IL34: variants seen among roughly 807,000 people sequenced by gnomAD.
The protein encoded by IL34 is interleukin-34.
In IL34, 17 loss-of-function variants were observed where a neutral mutation model predicts 25.3. That is an observed-to-expected ratio of 0.67 (90% CI 0.46 to 1.01). IL34 has a LOEUF of 1.01. Among genes scored for constraint, IL34 ranks in the 50% least tolerant of loss-of-function variants. The pLI, the probability that IL34 is intolerant of heterozygous loss-of-function variation, is 0.00. For missense variants in IL34, 368 were observed against 312.9 expected, an observed-to-expected ratio of 1.18 and a Z score of -1.33; for synonymous variants, 174 against 140.9, an observed-to-expected ratio of 1.23 and a Z score of -1.66.
intron 2 of IL34, among the ~76,000 whole-genome samples, chr16:70,655,329 G>A (rs1410853672): frequency 6.6e-6 from 1 of 152,116 alleles, no homozygotes; most frequent in Non-Finnish European, 1.5e-5. Flanking sequence ...GGGATTACAG[G>A]CGTGAGCCAC....
chr16:70,611,641 A>G lies in IL34; in HGVS notation c.-401+31592A>G, dbSNP rs576636544. ...CCCATATCTACACAAAATTTAAAAA[A>G]GTTACCAGCCTGACCAACATGGTGA... On this transcript the variant is annotated intron_variant, in intron 1 of 6. Transcript: ENST00000429149. 2.6e-5 allele frequency among the ~76,000 whole-genome samples: 4 copies of G among 152,050 alleles called. No individual in the cohort carries two copies. In the East Asian group the frequency reaches 7.7e-4, roughly 29 times the overall value.
chr16:70,603,997 A>C (rs1419754149), intron 1 of IL34, among the ~76,000 whole-genome samples: 2 of 152,206 alleles, frequency 1.3e-5, no homozygotes, highest in Non-Finnish European at 2.9e-5. Flanking sequence ...GCCTGCATTA[A>C]TTGCTTTAAT....
chr16:70,650,488 C>G (rs2052052171), intron 1 of IL34, among the ~76,000 whole-genome samples: 1 of 152,028 alleles, frequency 6.6e-6, no homozygotes, highest in Admixed American at 6.6e-5. Flanking sequence ...CCCAGGGCCC[C>G]AGAACGGGAC....
Position 70,580,980 on chromosome 16 carries a change from C to G in IL34, c.-401+931C>G, listed in dbSNP as rs1305150274. Among the ~76,000 whole-genome samples the G allele has an allele frequency of 1.3e-4, 19 of 150,998 alleles. 1 individual carries two copies. The highest frequency in any genetic ancestry group is 4.6e-4 in the African/African-American group (19 of 41,038). The stretch of plus-strand genomic sequence containing the variant: ...AGGCTGGAGTGCAGTGGCGTCATCT[C>G]AGGTCACTGCATCCTCTGCCTCCTG... On this transcript the variant is annotated intron_variant, in intron 1 of 6. Transcript: ENST00000429149.
intron 1 of IL34, among the ~76,000 whole-genome samples, chr16:70,585,732 A>G (rs1425830100): frequency 1.3e-5 from 2 of 149,876 alleles, no homozygotes; most frequent in Non-Finnish European, 3.0e-5. Context: ...GGGTCTCCCT[A>G]TGTTGCACAG....
chr16:70,607,390 C>G (rs562294719), intron 1 of IL34, among the ~76,000 whole-genome samples: 13 of 152,296 alleles, frequency 8.5e-5, no homozygotes, highest in African/African-American at 3.1e-4. Flanking sequence ...AGGCATTGAG[C>G]CACTGCACCC....
At position 70,582,135 on chromosome 16, in the gene IL34, C is replaced by T. The variant is rs189267697; in HGVS notation, c.-401+2086C>T. Among the ~76,000 whole-genome samples, 28 of 152,332 alleles carry T rather than the reference C, an allele frequency of 1.8e-4. 1 individual carries two copies. Among genetic ancestry groups the T allele is most frequent in the South Asian group, 8.3e-4 (4 of 4,822 alleles). On this transcript the variant is annotated intron_variant, in intron 1 of 6. Coordinates refer to the IL34 transcript ENST00000429149. ...AGAGCCTATTCTTACCCAGCTTCAT[C>T]GTAACTAGAGTGAAAGGCTTCATTG...
Position 70,660,548 on chromosome 16 carries a change from G to A in IL34, c.*361G>A, listed in dbSNP as rs1477623910. 9 of 211,360 alleles carry A rather than the reference G, an allele frequency of 4.3e-5. No individual in the cohort carries two copies. Among genetic ancestry groups the A allele is most frequent in the African/African-American group, 6.9e-5 (3 of 43,612 alleles). 13.1% of individuals were successfully genotyped at this position (211,360 alleles called of 1,614,324 possible). On this transcript the variant is annotated 3_prime_UTR_variant, in exon 6 of 6. Transcript: ENST00000288098. ...GGGTTGCAGGGGAGACAGCCAGCAC[G>A]GCGTGGCCATTCTATGACCCCCCAG...
chr16:70,630,684 C>G (rs1401643358), intron 1 of IL34, among the ~76,000 whole-genome samples: 2 of 151,694 alleles, frequency 1.3e-5, no homozygotes, highest in East Asian at 3.9e-4. Flanking sequence ...ATTGATCCTC[C>G]TACCTCAGCT....
At chr16:70,634,454 C>T (rs1333327857) in intron 1 of IL34, among the ~76,000 whole-genome samples, 1 of 151,968 alleles carries the variant, frequency 6.6e-6, no homozygotes, top group Non-Finnish European at 1.5e-5. Flanking sequence ...CCAAGGCAGG[C>T]TGATCACCTG....
chr16:70,625,693 C>T (rs34764103), intron 1 of IL34, among the ~76,000 whole-genome samples: 16,547 of 152,030 alleles, frequency 0.11, 966 homozygotes, highest in South Asian at 0.17. Context: ...CCGTGACAGG[C>T]GCTGGAGTTT....
intron 4 of IL34, 32 bp from the exon 5 acceptor site, chr16:70,659,586 G>A (rs765373861): frequency 7.6e-6 from 12 of 1,578,322 alleles, no homozygotes; most frequent in South Asian, 3.4e-5. Flanking sequence ...GCCCCATCTC[G>A]CCACCGCTCC....
chr16:70,631,270 A>G (rs907219936), intron 1 of IL34, among the ~76,000 whole-genome samples: 1 of 152,178 alleles, frequency 6.6e-6, no homozygotes, highest in African/African-American at 2.4e-5. Flanking sequence ...GTCTGTGGAC[A>G]TGGACAGGGC....
In IL34 at chr16:70,596,055, A is replaced by G. The variant is rs2050818927; in HGVS notation, c.-401+16006A>G. On this transcript the variant is annotated intron_variant, in intron 1 of 6. Transcript: ENST00000429149. ...GTTGTATAGACTGGGAGGCTTGTAA[A>G]CAACAGAAGTGTATTGTTCTAGAGC... is the stretch of plus-strand genomic sequence containing the variant. Among the ~76,000 whole-genome samples the G allele has an allele frequency of 2.6e-5, 4 of 151,854 alleles. No individual in the cohort carries two copies. The South Asian group carries it at 8.3e-4, about 32-fold the overall frequency.
intron 1 of IL34, among the ~76,000 whole-genome samples, chr16:70,621,550 A>C (rs2051282557): frequency 6.6e-6 from 1 of 152,116 alleles, no homozygotes; most frequent in Non-Finnish European, 1.5e-5. Context: ...AGCAAAGAAC[A>C]GGAGGACAGG....
chr16:70,580,398 C>T (rs907460354), intron 1 of IL34, among the ~76,000 whole-genome samples: 3 of 152,230 alleles, frequency 2.0e-5, no homozygotes, highest in African/African-American at 4.8e-5. Flanking sequence ...GGCCGTGGGG[C>T]GCTGCTCCAC....
At chr16:70,614,554 C>A (rs757164508) in intron 1 of IL34, among the ~76,000 whole-genome samples, 1 of 152,196 alleles carries the variant, frequency 6.6e-6, no homozygotes, top group Non-Finnish European at 1.5e-5. Context: ...CTGCTGAACA[C>A]GGAACCTGTT....
At chr16:70,580,157 G>A (rs2050621358) in intron 1 of IL34, 1 of 152,420 alleles carries the variant, frequency 6.6e-6, no homozygotes, top group South Asian at 2.1e-4. Flanking sequence ...CAGGAAGAGG[G>A]ACCTGAGCTA....
chr16:70,595,989 C>T (rs559371290), intron 1 of IL34, among the ~76,000 whole-genome samples: 13 of 147,410 alleles, frequency 8.8e-5, no homozygotes, highest in East Asian at 4.0e-4. Context: ...CCAGCATGGG[C>T]GACACAGCGA....
Sources: gnomAD v4.1 joint callset for allele counts (sites outside exome capture counted in the v4.1 genomes callset) on GRCh38, gnomAD v4.1.1 for gene constraint, MANE v1.5 for transcripts, NCBI Gene and HGNC (gene_info 2026-07-23, HGNC 2026-07-21) for gene names.